TF: variants seen among roughly 807,000 people sequenced by gnomAD.
TF encodes transferrin, also known as serotransferrin.
TF carries 55 observed loss-of-function variants against 82.4 expected under a neutral mutation model. The observed-to-expected ratio is 0.67, with a 90% CI of 0.54 to 0.84. TF has a LOEUF of 0.84. TF is among the 40% of genes least tolerant of loss of function. The pLI, the probability that TF is intolerant of heterozygous loss-of-function variation, is 0.00. For synonymous variants in TF, 332 were observed against 332.6 expected (o/e 1.00, Z 0.02); for missense variants, 737 against 868.4 (o/e 0.85, Z 1.90).
At chr3:133,733,265 A>AG in the TF span, among the ~76,000 whole-genome samples, 29,335 of 152,012 alleles carry the variant, frequency 0.19, 2,938 homozygotes, top group East Asian at 0.29. Flanking sequence ...CACCTGGGAG[A>AG]GGGGCCTGTG....
At chr3:133,665,600 T>C in the TF span, among the ~76,000 whole-genome samples, 3 of 152,026 alleles carry the variant, frequency 2.0e-5, no homozygotes, top group Non-Finnish European at 4.4e-5. Context: ...AGAGCCAGTC[T>C]CTCCAGACCC....
At chr3:133,736,645 A>AAAAAAAAAAAAAAAAAAAC in the TF span, among the ~76,000 whole-genome samples, 1 of 149,882 alleles carries the variant, frequency 6.7e-6, no homozygotes, top group African/African-American at 2.4e-5. Flanking sequence ...AAAAAAAAAA[A>AAAAAAAAAAAAAAAAAAAC]AAAAAAGCAG....
chr3:133,776,721 C>T (rs1333761472), intron 15 of TF, among the ~76,000 whole-genome samples: 1 of 152,110 alleles, frequency 6.6e-6, no homozygotes, highest in Middle Eastern at 3.2e-3. Context: ...TTATTGTCCT[C>T]TCATTTCCTA....
the TF span, among the ~76,000 whole-genome samples, chr3:133,695,728 G>C: frequency 1.3e-5 from 2 of 152,146 alleles, no homozygotes; most frequent in African/African-American, 4.8e-5. Context: ...AGTTGGACTT[G>C]TGGCCAACCA....
At position 133,791,548 on chromosome 3, in the gene TF, T is replaced by A. The variant is rs1282684729; in HGVS notation, c.*12928T>A. The A allele has an allele frequency of 6.6e-6, 1 of 152,138 alleles. No homozygotes were observed. The highest frequency in any genetic ancestry group is 2.4e-5 in the African/African-American group (1 of 41,434). 9.4% of individuals were successfully genotyped at this position (152,138 alleles called of 1,614,324 possible). A position where few individuals can be genotyped will look rare whatever the true frequency, so the allele number is the denominator to read the frequency against. On this transcript the variant is annotated 3_prime_UTR_variant, in exon 17 of 17. Coordinates refer to ENST00000402696, the MANE Select transcript of TF (RefSeq NM_001063.4). ...CTCCTCTGTAAAGTTTTGATTAATA[T>A]AAAAAAAGAATTCTGAGGCCGATCT...
chr3:133,790,644 T>A lies in TF; in HGVS notation c.*12024T>A, dbSNP rs1288629446. The A allele has an allele frequency of 6.6e-6, 1 of 152,242 alleles. No individual in the cohort carries two copies. The highest frequency in any genetic ancestry group is 1.9e-4 in the East Asian group (1 of 5,204). 9.4% of individuals were successfully genotyped at this position (152,242 alleles called of 1,614,324 possible). A position where few individuals can be genotyped will look rare whatever the true frequency, so the allele number is the denominator to read the frequency against. ...AAGTAAAATAAGCATTGTAAAGAAA[T>A]GCATCGGCAGTTTGGCAATTCCTTT... On this transcript the variant is annotated 3_prime_UTR_variant, in exon 17 of 17. Transcript: ENST00000402696.
At chr3:133,777,325 G>C in intron 16 of TF, 87 bp downstream of exon 16, 1 of 1,341,970 alleles carries the variant, frequency 7.5e-7, no homozygotes, top group Non-Finnish European at 1.0e-6. Flanking sequence ...GGGGTAGGCT[G>C]TGGCCCTTGG....
the TF span, among the ~76,000 whole-genome samples, chr3:133,675,863 A>G: frequency 6.6e-6 from 1 of 152,200 alleles, no homozygotes; most frequent in Non-Finnish European, 1.5e-5. Flanking sequence ...AGAGTTGAGG[A>G]GTTGCCACAG....
At position 133,748,564 on chromosome 3, in the gene TF, G is replaced by A. The variant is rs1324633483; in HGVS notation, c.196G>A (p.Asp66Asn). ...TTGTGTGAAGAAAGCCTCCTACCTT[G>A]ATTGCATCAGGGCCATTGCGGTAAG... Reference protein sequence around the residue: ...VACVKKASYLDCIRAIAANEA... With the variant: ...VACVKKASYLNCIRAIAANEA... The change falls in exon 2 of 17, where the codon GAT (aspartate) becomes AAT (asparagine). Residue 66 changes from aspartate (D) to asparagine (N), a missense_variant. Asp to Asn is a conservative substitution (Grantham distance 23). Coordinates refer to ENST00000402696, the MANE Select transcript of TF (RefSeq NM_001063.4). 1.9e-6 allele frequency: 3 copies of A among 1,614,096 alleles called. No homozygotes were observed. The East Asian group carries it at 6.7e-5, about 36-fold the overall frequency.
rs905991450 is a variant in TF at position 133,779,011 on chromosome 3, G to A, written c.*391G>A. ...ATTAAAATATAATCAAATGTATACTGGTGTGTGTGTGCACGTGCGCGTGCG... is the reference window on the plus strand; with the variant it reads ...ATTAAAATATAATCAAATGTATACTAGTGTGTGTGTGCACGTGCGCGTGCG... On this transcript the variant is annotated 3_prime_UTR_variant, in exon 17 of 17. Transcript: ENST00000402696. 3 of 271,550 alleles carry A rather than the reference G, an allele frequency of 1.1e-5. No individual in the cohort carries two copies. Among genetic ancestry groups the A allele is most frequent in the African/African-American group, 6.7e-5 (3 of 45,056 alleles). 16.8% of individuals were successfully genotyped at this position (271,550 alleles called of 1,614,324 possible). A position where few individuals can be genotyped will look rare whatever the true frequency, so the allele number is the denominator to read the frequency against.
the TF span, among the ~76,000 whole-genome samples, chr3:133,689,217 C>T: frequency 6.6e-6 from 1 of 152,052 alleles, no homozygotes; most frequent in Non-Finnish European, 1.5e-5. Context: ...CCTGTAGTCC[C>T]AGCTACTTGG....
At chr3:133,765,024 C>A (rs754745537) in intron 11 of TF, 117 bp downstream of exon 11, 1 of 987,848 alleles carries the variant, frequency 1.0e-6, no homozygotes, top group Admixed American at 1.8e-5. Flanking sequence ...TTTCACAATG[C>A]GAGAGAATCA....
chr3:133,728,984 C>G, the TF span, among the ~76,000 whole-genome samples: 32 of 152,140 alleles, frequency 2.1e-4, 1 homozygote. Flanking sequence ...TTGTGAACCG[C>G]GAATGCTGCT....
chr3:133,684,430 A>G, the TF span, among the ~76,000 whole-genome samples: 1 of 152,200 alleles, frequency 6.6e-6, no homozygotes, highest in African/African-American at 2.4e-5. Flanking sequence ...TTTTTTGAAA[A>G]GTTCAACAAA....
chr3:133,780,041 C>T lies in TF; in HGVS notation c.*1421C>T, dbSNP rs1206473815. The T allele has an allele frequency of 1.3e-5, 2 of 152,210 alleles. No homozygotes were observed. The highest frequency in any genetic ancestry group is 2.4e-5 in the African/African-American group (1 of 41,448). The allele number at this position is 152,210 out of a possible 1,614,324, so 9.4% of individuals were successfully genotyped here. Reference sequence around the variant, plus strand: ...GCTCCTTTCTTTTCCTGACTCCTAACACAGCCTCATCTTATACTCAAATAC... The same window carrying T: ...GCTCCTTTCTTTTCCTGACTCCTAATACAGCCTCATCTTATACTCAAATAC... On this transcript the variant is annotated 3_prime_UTR_variant, in exon 17 of 17. Transcript: ENST00000402696.
Position 133,791,781 on chromosome 3 carries a change from G to C in TF, c.*13161G>C, listed in dbSNP as rs1934845220. ...TTCACAGTGGCAGCCTGGGTTTAGG[G>C]TTCAATTCCTGGCTTAGGGAATGAG... On this transcript the variant is annotated 3_prime_UTR_variant, in exon 17 of 17. Transcript: ENST00000402696. 6.6e-6 allele frequency: 1 copy of C among 152,116 alleles called. No homozygotes were observed. Among genetic ancestry groups the C allele is most frequent in the Non-Finnish European group, 1.5e-5 (1 of 68,032 alleles). The allele number at this position is 152,116 out of a possible 1,614,324, so 9.4% of individuals were successfully genotyped here.
chr3:133,721,975 G>A, the TF span, among the ~76,000 whole-genome samples: 15 of 152,132 alleles, frequency 9.9e-5, no homozygotes, highest in Middle Eastern at 6.8e-3. Flanking sequence ...TGCCTCCTGG[G>A]GTCAAGCCAT....
chr3:133,765,049 T>A, intron 11 of TF, 142 bp downstream of exon 11: 1 of 807,670 alleles, frequency 1.2e-6, no homozygotes, highest in Admixed American at 2.1e-5. Flanking sequence ...AGGATAGTAA[T>A]GGATAATGAT....
the TF span, among the ~76,000 whole-genome samples, chr3:133,668,931 T>C: frequency 6.6e-6 from 1 of 152,198 alleles, no homozygotes; most frequent in African/African-American, 2.4e-5. Context: ...AGTCCCAGTG[T>C]CCACAGTGGC....
Sources: allele counts gnomAD v4.1 joint callset (sites outside exome capture counted in the v4.1 genomes callset), GRCh38; gene constraint gnomAD v4.1.1; transcripts MANE v1.5; gene names NCBI Gene and HGNC (gene_info 2026-07-23, HGNC 2026-07-21).